The following POLR3B variants were observed in gnomAD, a reference collection of about 807,000 sequenced individuals.
POLR3B encodes DNA-directed RNA polymerase III subunit RPC2.
A neutral mutation model predicts 147.4 loss-of-function variants in POLR3B; 96 were observed. The observed-to-expected ratio is 0.65, with a 90% CI of 0.55 to 0.77. POLR3B has a LOEUF of 0.77. Among genes scored for constraint, POLR3B ranks in the 30% least tolerant of loss-of-function variants. The probability of loss-of-function intolerance (pLI) is 0.00; values close to 1 mark genes in which losing one functional copy is unlikely to be tolerated. For synonymous variants in POLR3B, 461 were observed against 485.9 expected (o/e 0.95, Z 0.67); for missense variants, 1,036 against 1,413.5 (o/e 0.73, Z 4.28).
At chr12:106,393,767 TAC>T (rs34402190) in intron 10 of POLR3B, among the ~76,000 whole-genome samples, 35,916 of 127,556 alleles carry the variant, frequency 0.28, 4,553 homozygotes, top group Non-Finnish European at 0.31. Context: ...GACTGAGAAA[TAC>T]ACACACACAC....
intron 18 of POLR3B, among the ~76,000 whole-genome samples, chr12:106,444,140 C>T (rs571049266): frequency 4.9e-4 from 74 of 152,196 alleles, no homozygotes; most frequent in Non-Finnish European, 8.8e-4. Context: ...ATTTAAAGGA[C>T]GTATATTCCA....
intron 23 of POLR3B, among the ~76,000 whole-genome samples, chr12:106,491,184 A>T (rs937649114): frequency 6.6e-6 from 1 of 152,202 alleles, no homozygotes; most frequent in African/African-American, 2.4e-5. Context: ...ACATTAGCTC[A>T]TCTGTTCTTC....
Position 106,500,209 on chromosome 12 carries a change from TA to T in POLR3B, c.2985-1105del, listed in dbSNP as rs59109709. 605 of 449,460 alleles carry T rather than the reference TA, an allele frequency of 1.3e-3. 3 individuals carry two copies. The highest frequency in any genetic ancestry group is 6.1e-3 in the African/African-American group (302 of 49,610). The allele number at this position is 449,460 out of a possible 1,614,324, so 27.8% of individuals were successfully genotyped here. ...TTTGAAGAAGAAAGTTTGAGGCAGT[TA>T]AAAAAAAATTTTTTAAGACATCAGT... On this transcript the variant is annotated intron_variant, in intron 25 of 27. Coordinates refer to ENST00000228347, the MANE Select transcript of POLR3B (RefSeq NM_018082.6).
intron 23 of POLR3B, among the ~76,000 whole-genome samples, chr12:106,482,556 A>T (rs1395538296): frequency 6.6e-6 from 1 of 152,094 alleles, no homozygotes; most frequent in Non-Finnish European, 1.5e-5. Context: ...TTCCTGTGAG[A>T]ACTCACTCAC....
chr12:106,421,543 A>C (rs77060081), intron 12 of POLR3B, among the ~76,000 whole-genome samples: 1 of 151,968 alleles, frequency 6.6e-6, no homozygotes, highest in Non-Finnish European at 1.5e-5. Flanking sequence ...TCATGTACTT[A>C]TTGACTATTC....
intron 27 of POLR3B, among the ~76,000 whole-genome samples, chr12:106,506,958 G>A (rs752578064): frequency 2.6e-5 from 4 of 152,158 alleles, no homozygotes; most frequent in Non-Finnish European, 4.4e-5. Flanking sequence ...ACACAATGAA[G>A]GCTAGGTAAT....
At chr12:106,487,742 A>G (rs909883978) in intron 23 of POLR3B, among the ~76,000 whole-genome samples, 10 of 152,216 alleles carry the variant, frequency 6.6e-5, no homozygotes, top group African/African-American at 2.4e-4. Flanking sequence ...AGGTGGTAGG[A>G]TAATTAGTAG....
intron 21 of POLR3B, among the ~76,000 whole-genome samples, chr12:106,458,365 C>G (rs983858878): frequency 6.6e-6 from 1 of 152,118 alleles, no homozygotes; most frequent in Non-Finnish European, 1.5e-5. Context: ...CTCAAGTTCT[C>G]CACCCACCTC....
intron 23 of POLR3B, among the ~76,000 whole-genome samples, chr12:106,478,135 C>T (rs577175447): frequency 1.4e-4 from 22 of 151,976 alleles, no homozygotes; most frequent in African/African-American, 4.8e-4. Context: ...CCAAATTCCT[C>T]AGCTCAGGCA....
At chr12:106,455,454 C>T (rs78537007) in intron 20 of POLR3B, among the ~76,000 whole-genome samples, 3,735 of 152,156 alleles carry the variant, frequency 0.025, 159 homozygotes, top group African/African-American at 0.085. Context: ...TTTTTTTCCT[C>T]CAAATGACAA....
chr12:106,378,436 C>A, intron 8 of POLR3B, 52 bp downstream of exon 8: 1 of 1,070,006 alleles, frequency 9.3e-7, no homozygotes, highest in Non-Finnish European at 1.5e-6. Flanking sequence ...TTCCATTAGT[C>A]CTAAATGGCT....
intron 20 of POLR3B, among the ~76,000 whole-genome samples, chr12:106,455,756 A>G (rs1022541827): frequency 6.6e-6 from 1 of 152,202 alleles, no homozygotes; most frequent in African/African-American, 2.4e-5. Flanking sequence ...ACCAGCTGGC[A>G]TTCTGAGCCG....
intron 16 of POLR3B, among the ~76,000 whole-genome samples, chr12:106,436,168 G>A (rs905253440): frequency 2.0e-5 from 3 of 152,142 alleles, no homozygotes; most frequent in African/African-American, 7.2e-5. Flanking sequence ...CTTAACTGTT[G>A]AAAAGTGCTC....
Position 106,463,540 on chromosome 12 carries a change from C to T in POLR3B, c.2633C>T (p.Ala878Val). Residue 878 changes from alanine to valine, a missense_variant, in exon 23 of 28, where the codon GCT (alanine) becomes GTT (valine). Around this residue, in one of 12 missense-constraint regions of POLR3B, gnomAD observed 202 missense variants for 272.8 expected, o/e 0.74. Coordinates refer to ENST00000228347, the MANE Select transcript of POLR3B (RefSeq NM_018082.6). ...KVMISSNAED[A>V]FLIKMLLRQT... is the part of the protein sequence containing the mutation. ...ATGATATCTTCAAATGCTGAAGATGCTTTTCTGATCAAAATGCTGCTGAGA... is the reference window on the plus strand; with the variant it reads ...ATGATATCTTCAAATGCTGAAGATGTTTTTCTGATCAAAATGCTGCTGAGA... 1 of 1,612,322 alleles carries T rather than the reference C, an allele frequency of 6.2e-7. No individual in the cohort carries two copies. Among genetic ancestry groups the T allele is most frequent in the East Asian group, 2.2e-5 (1 of 44,858 alleles).
intron 23 of POLR3B, among the ~76,000 whole-genome samples, chr12:106,487,965 AAT>A (rs2038362511): frequency 6.6e-6 from 1 of 152,152 alleles, no homozygotes; most frequent in Non-Finnish European, 1.5e-5. Context: ...GAGAAGTGAA[AAT>A]GTTTTATCAG....
At chr12:106,371,654 A>C (rs7298709) in intron 6 of POLR3B, among the ~76,000 whole-genome samples, 5,575 of 112,594 alleles carry the variant, frequency 0.05, 252 homozygotes, top group East Asian at 0.24. Flanking sequence ...ATGGATGAAA[A>C]TGGAAATCAT....
intron 19 of POLR3B, among the ~76,000 whole-genome samples, chr12:106,449,224 A>T (rs146041463): frequency 1.0e-3 from 155 of 152,342 alleles, no homozygotes; most frequent in African/African-American, 3.6e-3. Flanking sequence ...AATTTTGTAC[A>T]TGAAGCAAAG....
At position 106,432,204 on chromosome 12, in the gene POLR3B, A is replaced by G. The variant is rs77651697; in HGVS notation, c.1465-114A>G. The G allele has an allele frequency of 6.6e-3, 6,000 of 906,250 alleles. 231 individuals are homozygous for G. In the African/African-American group the frequency reaches 0.084, roughly 13 times the overall value. The allele number at this position is 906,250 out of a possible 1,614,324, so 56.1% of individuals were successfully genotyped here. A position where few individuals can be genotyped will look rare whatever the true frequency, so the allele number is the denominator to read the frequency against. ...TGCGAATCACCACAGTATCCCCTACAAAGTTGTACTGCTTTGCATTGCTGC... is the reference window on the plus strand; with the variant it reads ...TGCGAATCACCACAGTATCCCCTACGAAGTTGTACTGCTTTGCATTGCTGC... On this transcript the variant is annotated intron_variant, in intron 14 of 27. Transcript: ENST00000228347.
At chr12:106,402,166 T>C (rs907694630) in intron 10 of POLR3B, among the ~76,000 whole-genome samples, 58 of 151,992 alleles carry the variant, frequency 3.8e-4, no homozygotes, top group South Asian at 1.9e-3. Flanking sequence ...TATACACCAA[T>C]AACAGACAAA....
Sources: gnomAD v4.1 joint callset for allele counts (sites outside exome capture counted in the v4.1 genomes callset) on GRCh38, gnomAD v4.1.1 for gene constraint, gnomAD v4.1.1 regional missense constraint, MANE v1.5 for transcripts, NCBI Gene and HGNC (gene_info 2026-07-23, HGNC 2026-07-21) for gene names.